The following ARHGEF7 variants were observed in gnomAD, a reference collection of about 807,000 sequenced individuals.
The protein encoded by ARHGEF7 is Rho guanine nucleotide exchange factor 7.
In ARHGEF7, 33 loss-of-function variants were observed where a neutral mutation model predicts 109.8. The observed-to-expected ratio is 0.30, with a 90% confidence interval of 0.23 to 0.40. The LOEUF (loss-of-function observed/expected upper bound fraction) is 0.40, where lower values mean the gene tolerates loss of function less well. Ranked by LOEUF, ARHGEF7 falls within the 10% of genes least tolerant of loss-of-function variation. The pLI is 1.00. For synonymous variants in ARHGEF7, 458 were observed against 424.6 expected (o/e 1.08, Z -0.97); for missense variants, 938 against 1,098.5 (o/e 0.85, Z 2.07).
At chr13:111,147,957 A>G (rs920557176) in intron 1 of ARHGEF7, among the ~76,000 whole-genome samples, 2 of 152,010 alleles carry the variant, frequency 1.3e-5, no homozygotes, top group Non-Finnish European at 2.9e-5. Flanking sequence ...TCGGCCTCCC[A>G]AAGTGCTGGG....
chr13:111,275,940 A>G (rs2092451531), intron 12 of ARHGEF7: 1 of 442,866 alleles, frequency 2.3e-6, no homozygotes, highest in African/African-American at 2.0e-5. Flanking sequence ...AAGGATAGAT[A>G]GTGTGCAGAA....
chr13:111,154,100 G>A, intron 2 of ARHGEF7, 109 bp downstream of exon 2: 1 of 1,126,634 alleles, frequency 8.9e-7, no homozygotes, highest in African/African-American at 1.6e-5. Context: ...GCCCGGATCC[G>A]ACCCTCCCCG....
chr13:111,214,906 T>C (rs532913570), intron 4 of ARHGEF7, among the ~76,000 whole-genome samples: 137 of 152,388 alleles, frequency 9.0e-4, no homozygotes, highest in African/African-American at 3.2e-3. Context: ...CAGCTACTCC[T>C]TATTGAGGAT....
chr13:111,121,981 C>T (rs1416210618), intron 1 of ARHGEF7, among the ~76,000 whole-genome samples: 1 of 152,324 alleles, frequency 6.6e-6, no homozygotes, highest in East Asian at 1.9e-4. Context: ...GAAAACCTTC[C>T]CCATCGTGTC....
intron 5 of ARHGEF7, among the ~76,000 whole-genome samples, chr13:111,230,199 A>G (rs758084830): frequency 1.6e-4 from 24 of 152,134 alleles, no homozygotes; most frequent in Non-Finnish European, 2.8e-4. Context: ...TTGCTGCCCC[A>G]GTCAGCCCTT....
intron 1 of ARHGEF7, among the ~76,000 whole-genome samples, chr13:111,125,850 C>T (rs960479776): frequency 2.0e-5 from 3 of 152,246 alleles, no homozygotes; most frequent in Non-Finnish European, 4.4e-5. Context: ...TTTCTGAACA[C>T]ATGCCAAAAG....
chr13:111,127,151 C>T (rs9522133), intron 1 of ARHGEF7, among the ~76,000 whole-genome samples: 1 of 152,154 alleles, frequency 6.6e-6, no homozygotes, highest in Non-Finnish European at 1.5e-5. Flanking sequence ...CCAACAATTT[C>T]TACAACTTAG....
At chr13:111,221,495 A>ATATATATCTATATATATAGATATATATC (rs1566875293) in intron 5 of ARHGEF7, among the ~76,000 whole-genome samples, 5 of 61,796 alleles carry the variant, frequency 8.1e-5, no homozygotes, top group Non-Finnish European at 1.3e-4. Flanking sequence ...ATATAGACAT[A>ATATATATCTATATATATAGATATATATC]TATATATCTA....
Position 111,303,186 on chromosome 13 carries a change from T to C in ARHGEF7, c.*73T>C. The stretch of plus-strand genomic sequence containing the variant: ...TGGGCACCCCTGACCCAAGTCGGGG[T>C]GCACTCAGGACCACAGGGCAGGGCT... On this transcript the variant is annotated 3_prime_UTR_variant, in exon 22 of 22. Coordinates refer to ENST00000646102, the MANE Select transcript of ARHGEF7 (RefSeq NM_001354046.2). The C allele has an allele frequency of 7.9e-7, 1 of 1,273,672 alleles. No homozygotes were observed. The highest frequency in any genetic ancestry group is 1.1e-6 in the Non-Finnish European group (1 of 944,702). The allele number at this position is 1,273,672 out of a possible 1,614,324, so 78.9% of individuals were successfully genotyped here. A position where few individuals can be genotyped will look rare whatever the true frequency, so the allele number is the denominator to read the frequency against.
At chr13:111,292,503 A>G (rs2093320780) in intron 19 of ARHGEF7, 1 of 1,428,224 alleles carries the variant, frequency 7.0e-7, no homozygotes, top group East Asian at 2.5e-5. Context: ...GCGAGTATAC[A>G]TTCGAATGAC....
intron 1 of ARHGEF7, 114 bp downstream of exon 1, chr13:111,115,805 T>G: frequency 4.6e-5 from 18 of 387,762 alleles, no homozygotes; most frequent in East Asian, 3.0e-4. Flanking sequence ...CGCCCTCCTT[T>G]GTGCGCGGAG....
At chr13:111,252,968 C>T (rs1317870141) in intron 8 of ARHGEF7, among the ~76,000 whole-genome samples, 2 of 152,274 alleles carry the variant, frequency 1.3e-5, no homozygotes, top group Non-Finnish European at 2.9e-5. Flanking sequence ...TGCCCTAAGG[C>T]AGCCCCAGCG....
chr13:111,243,326 G>A (rs959110437), intron 6 of ARHGEF7, among the ~76,000 whole-genome samples: 4 of 152,120 alleles, frequency 2.6e-5, no homozygotes, highest in African/African-American at 4.8e-5. Context: ...TGTTGTAACC[G>A]CTACCCAAAT....
Position 111,301,469 on chromosome 13 carries a change from C to T in ARHGEF7, c.2412-9C>T. The T allele has an allele frequency of 6.2e-7, 1 of 1,612,164 alleles. No individual in the cohort carries two copies. Among genetic ancestry groups the T allele is most frequent in the Non-Finnish European group, 8.5e-7 (1 of 1,178,624 alleles). ...TGTTCATGTGTGTGTGTTCTGTTTCCTGTTTCAGGAGTCTTGTGGATACCG... is the reference window on the plus strand; with the variant it reads ...TGTTCATGTGTGTGTGTTCTGTTTCTTGTTTCAGGAGTCTTGTGGATACCG... On this transcript the variant is annotated splice_polypyrimidine_tract_variant and intron_variant, in intron 20 of 21. Transcript: ENST00000646102.
At chr13:111,160,458 CA>C (rs1302734848) in intron 2 of ARHGEF7, among the ~76,000 whole-genome samples, 1 of 151,894 alleles carries the variant, frequency 6.6e-6, no homozygotes, top group Non-Finnish European at 1.5e-5. Context: ...TTTAACAGTA[CA>C]GGTTAAGCAT....
chr13:111,219,952 C>A (rs2083614832), intron 5 of ARHGEF7, among the ~76,000 whole-genome samples: 1 of 151,992 alleles, frequency 6.6e-6, no homozygotes. Flanking sequence ...GAGAGCGCGG[C>A]ACTGGCACCA....
intron 8 of ARHGEF7, among the ~76,000 whole-genome samples, chr13:111,246,727 A>G (rs1410055519): frequency 6.6e-6 from 1 of 152,238 alleles, no homozygotes; most frequent in Non-Finnish European, 1.5e-5. Context: ...AATGAAGGTC[A>G]TTTGCTGATA....
intron 19 of ARHGEF7, among the ~76,000 whole-genome samples, chr13:111,296,313 C>T (rs2093426878): frequency 6.6e-6 from 1 of 152,206 alleles, no homozygotes; most frequent in Admixed American, 6.5e-5. Flanking sequence ...CATGTTAACA[C>T]ACATGTGTAC....
chr13:111,154,300 C>T (rs2076123510), intron 2 of ARHGEF7, among the ~76,000 whole-genome samples: 1 of 152,176 alleles, frequency 6.6e-6, no homozygotes. Flanking sequence ...TTTTCAACAA[C>T]CGTTTATCAG....
Sources: allele counts gnomAD v4.1 joint callset (sites outside exome capture counted in the v4.1 genomes callset), GRCh38; gene constraint gnomAD v4.1.1; transcripts MANE v1.5; gene names NCBI Gene and HGNC (gene_info 2026-07-23, HGNC 2026-07-21).